EHBP1: variants seen among roughly 807,000 people sequenced by gnomAD.
EHBP1 encodes the protein EH domain-binding protein 1.
Under a neutral mutation model 144.0 loss-of-function variants are expected in EHBP1, and 55 were observed. The observed-to-expected ratio is 0.38, with a 90% CI of 0.31 to 0.48. The LOEUF is 0.48. EHBP1 is among the 20% of genes least tolerant of loss of function. EHBP1 has a pLI of 0.98. For missense variants in EHBP1, 1,200 were observed against 1,364.2 expected (o/e 0.88, Z 1.90); for synonymous variants, 469 against 472.7 (o/e 0.99, Z 0.10).
intron 5 of EHBP1, 36 bp from the exon 6 acceptor site, chr2:62,826,051 C>A: frequency 2.1e-6 from 3 of 1,408,994 alleles, no homozygotes; most frequent in South Asian, 1.8e-5. Flanking sequence ...TAAAATAACT[C>A]AAAATTACAT....
At chr2:62,874,659 C>A in intron 10 of EHBP1, 127 bp downstream of exon 10, 1 of 751,700 alleles carries the variant, frequency 1.3e-6, no homozygotes. Context: ...CCAAGACAAT[C>A]TATTGTACTG....
At chr2:63,017,410 G>A (rs919551897) in intron 19 of EHBP1, among the ~76,000 whole-genome samples, 1 of 152,214 alleles carries the variant, frequency 6.6e-6, no homozygotes, top group Non-Finnish European at 1.5e-5. Flanking sequence ...ACCCTGGTTA[G>A]TGAACCTAAT....
chr2:62,948,091 C>A (rs1242154274), intron 12 of EHBP1, among the ~76,000 whole-genome samples, 169 bp from the exon 13 acceptor site: 1 of 151,894 alleles, frequency 6.6e-6, no homozygotes, highest in Admixed American at 6.6e-5. Context: ...TTTTCTCTTG[C>A]CTCTCCCCCC....
intron 19 of EHBP1, among the ~76,000 whole-genome samples, chr2:63,001,525 A>G (rs1440601547): frequency 1.3e-5 from 2 of 152,218 alleles, no homozygotes; most frequent in African/African-American, 4.8e-5. Flanking sequence ...CACAAAAAAT[A>G]AAAATCAAGA....
At chr2:62,892,539 T>C (rs969352340) in intron 10 of EHBP1, among the ~76,000 whole-genome samples, 7 of 152,178 alleles carry the variant, frequency 4.6e-5, no homozygotes, top group South Asian at 2.1e-4. Context: ...TGTGCACTTA[T>C]GATTTTCATA....
intron 5 of EHBP1, among the ~76,000 whole-genome samples, chr2:62,783,401 A>G (rs889630176): frequency 2.6e-5 from 4 of 152,188 alleles, no homozygotes; most frequent in Admixed American, 2.0e-4. Flanking sequence ...CTCCAACCTG[A>G]CACTTCCCTT....
chr2:62,776,054 G>C (rs536638243), intron 5 of EHBP1, among the ~76,000 whole-genome samples: 186 of 152,270 alleles, frequency 1.2e-3, no homozygotes, highest in Middle Eastern at 0.01. Flanking sequence ...ATACAGTTTA[G>C]AAGTTATTTG....
rs1286085090 is a variant in EHBP1 at position 62,993,662 on chromosome 2, A to G, written c.2866A>G (p.Arg956Gly). 1 of 1,586,906 alleles carries G rather than the reference A, an allele frequency of 6.3e-7. No homozygotes were observed. The highest frequency in any genetic ancestry group is 1.3e-5 in the African/African-American group (1 of 74,328). ...GTCTTTCAGCCAATATATTGAGAAT[A>G]GACCAGGTAGAACACTTTTTAAAAT... ...LQSFSQYIEN[R>G]PEMKRQRSIQ... The change falls in exon 17 of 23, where the codon AGA (arginine) becomes GGA (glycine). Residue 956 changes from arginine to glycine, a missense_variant. Arg to Gly is a moderately radical substitution (Grantham distance 125). This residue lies in a region of EHBP1 where 543 missense variants were observed against 513.1 expected (regional missense o/e 1.06). Coordinates refer to ENST00000431489, the MANE Select transcript of EHBP1 (RefSeq NM_001142616.3).
intron 14 of EHBP1, among the ~76,000 whole-genome samples, chr2:62,975,392 C>G (rs2058665967): frequency 6.6e-6 from 1 of 152,148 alleles, no homozygotes; most frequent in Non-Finnish European, 1.5e-5. Flanking sequence ...ATGGCAAGGT[C>G]ACATTGCAGA....
rs1300198539 is a variant in EHBP1 at position 62,864,882 on chromosome 2, G to T, written c.909G>T (p.Gln303His). 3 of 1,614,002 alleles carry T rather than the reference G, an allele frequency of 1.9e-6. No homozygotes were observed. Among genetic ancestry groups the T allele is most frequent in the Non-Finnish European group, 1.7e-6 (2 of 1,179,978 alleles). ...AFVTIKDSPP[Q>H]STKRKNIRPV... ...TGACCATAAAGGATTCTCCTCCCCA[G>T]TCTACAAAAAGAAAAAATATAAGAC... is the stretch of plus-strand genomic sequence containing the variant. Residue 303 changes from glutamine (Q) to histidine (H), a missense_variant, in exon 9 of 23, where the codon CAG becomes CAT. Around this residue, in one of 6 missense-constraint regions of EHBP1, gnomAD observed 266 missense variants for 262.4 expected, o/e 1.01. Coordinates refer to ENST00000431489, the MANE Select transcript of EHBP1 (RefSeq NM_001142616.3).
At chr2:62,848,238 C>G (rs1343336102) in intron 7 of EHBP1, among the ~76,000 whole-genome samples, 1 of 151,810 alleles carries the variant, frequency 6.6e-6, no homozygotes, top group Admixed American at 6.6e-5. Context: ...ACCACCATGC[C>G]CAGCTAATTT....
At chr2:62,726,199 G>A (rs1028308036) in intron 2 of EHBP1, among the ~76,000 whole-genome samples, 22 of 152,216 alleles carry the variant, frequency 1.4e-4, no homozygotes, top group African/African-American at 4.3e-4. Flanking sequence ...ACATCAGCTG[G>A]CTTACTGCCC....
intron 5 of EHBP1, among the ~76,000 whole-genome samples, chr2:62,821,605 T>G (rs1389899425): frequency 6.6e-6 from 1 of 152,112 alleles, no homozygotes; most frequent in Non-Finnish European, 1.5e-5. Context: ...GCTTGAGCCC[T>G]GTAGGTTGAG....
At chr2:62,849,662 C>T (rs2048543433) in intron 7 of EHBP1, among the ~76,000 whole-genome samples, 1 of 152,090 alleles carries the variant, frequency 6.6e-6, no homozygotes, top group African/African-American at 2.4e-5. Flanking sequence ...ATCCTCCTGC[C>T]TTTATAAGAT....
Position 62,993,961 on chromosome 2 carries a change from A to C in EHBP1, c.2963A>C (p.Glu988Ala), listed in dbSNP as rs376196443. The C allele has an allele frequency of 8.0e-5, 127 of 1,578,782 alleles. No individual in the cohort carries two copies. The highest frequency in any genetic ancestry group is 1.1e-4 in the Non-Finnish European group (125 of 1,159,088). The change falls in exon 18 of 23, where the codon GAA becomes GCA. Residue 988 changes from glutamate to alanine, a missense_variant. Coordinates refer to ENST00000431489, the MANE Select transcript of EHBP1 (RefSeq NM_001142616.3). ...AITETQRKPSEDEVLNKGFKD... is the reference protein window; with the variant it reads ...AITETQRKPSADEVLNKGFKD... ...ACTGAAACTCAGAGGAAGCCATCAGAAGATGAAGTGCTTAATGTATATTAA... is the reference window on the plus strand; with the variant it reads ...ACTGAAACTCAGAGGAAGCCATCAGCAGATGAAGTGCTTAATGTATATTAA...
Position 62,831,214 on chromosome 2 carries a change from C to T in EHBP1, c.634+56C>T, listed in dbSNP as rs886341329. ...TATCTTTTGTTGCAGAGTTCAAAAA[C>T]TCATTCTCATTTCCCAGGAAAAAAC... On this transcript the variant is annotated intron_variant, in intron 7 of 22. Transcript: ENST00000431489. 7.7e-5 allele frequency: 115 copies of T among 1,492,640 alleles called. 1 individual carries two copies. The highest frequency in any genetic ancestry group is 2.1e-4 in the Middle Eastern group (1 of 4,676). The allele number at this position is 1,492,640 out of a possible 1,614,324, so 92.5% of individuals were successfully genotyped here.
chr2:62,865,288 ACT>A (rs2049950990), intron 9 of EHBP1, among the ~76,000 whole-genome samples: 1 of 152,072 alleles, frequency 6.6e-6, no homozygotes, highest in Admixed American at 6.6e-5. Context: ...TTTCCATCAA[ACT>A]CTGTAGACAT....
intron 10 of EHBP1, among the ~76,000 whole-genome samples, chr2:62,895,188 C>T (rs543228788): frequency 2.0e-5 from 3 of 152,142 alleles, no homozygotes; most frequent in South Asian, 2.1e-4. Flanking sequence ...AGTGCTGTAT[C>T]CAGTGTGGTG....
intron 19 of EHBP1, among the ~76,000 whole-genome samples, chr2:63,016,725 C>T (rs2060501043): frequency 6.6e-6 from 1 of 152,068 alleles, no homozygotes; most frequent in African/African-American, 2.4e-5. Context: ...GCCATCGCGC[C>T]CAGCCTGAAA....
Sources: allele counts gnomAD v4.1 joint callset (sites outside exome capture counted in the v4.1 genomes callset), GRCh38; gene constraint gnomAD v4.1.1; regional missense constraint gnomAD v4.1.1; transcripts MANE v1.5; gene names NCBI Gene and HGNC (gene_info 2026-07-23, HGNC 2026-07-21).